Variants in WDR1 observed in about 807,000 individuals in gnomAD.
The protein encoded by WDR1 is WD repeat-containing protein 1.
Under a neutral mutation model 71.9 loss-of-function variants are expected in WDR1, and 21 were observed. The observed-to-expected ratio is 0.29, with a 90% CI of 0.21 to 0.42. WDR1 has a LOEUF of 0.42. WDR1 is among the 10% of genes least tolerant of loss of function. The pLI, the probability that WDR1 is intolerant of heterozygous loss-of-function variation, is 1.00. For missense variants in WDR1, 696 were observed against 824.5 expected (o/e 0.84, Z 1.91); for synonymous variants, 424 against 347.4 (o/e 1.22, Z -2.45).
chr4:10,103,267 TACAC>T lies in WDR1; in HGVS notation c.229+625_229+628del, dbSNP rs5856031. 6.1e-3 allele frequency among the ~76,000 whole-genome samples: 878 copies of T among 142,850 alleles called. 7 individuals are homozygous for T. The highest frequency in any genetic ancestry group is 0.022 in the Middle Eastern group (6 of 274). 93.7% of individuals were successfully genotyped at this position (142,850 alleles called of 152,430 possible). A position where few individuals can be genotyped will look rare whatever the true frequency, so the allele number is the denominator to read the frequency against. On this transcript the variant is annotated intron_variant, in intron 3 of 14. Transcript: ENST00000499869. ...ACAAAACAAAACATCCATTCACACA[TACAC>T]ACACACACACACACACAGACACACA... is the stretch of plus-strand genomic sequence containing the variant.
intron 3 of WDR1, among the ~76,000 whole-genome samples, chr4:10,102,129 G>C (rs1712716787): frequency 6.6e-6 from 1 of 152,230 alleles, no homozygotes; most frequent in African/African-American, 2.4e-5. Context: ...CAGAGCCCCA[G>C]TTTTGTGACA....
chr4:10,101,900 C>A (rs987190131), intron 3 of WDR1, among the ~76,000 whole-genome samples: 2 of 152,240 alleles, frequency 1.3e-5, no homozygotes, highest in African/African-American at 4.8e-5. Context: ...GAGACTTTTG[C>A]TGGCAAGCAG....
Position 10,083,010 on chromosome 4 carries a change from G to T in WDR1, c.1196+12C>A. 1 of 1,603,152 alleles carries T rather than the reference G, an allele frequency of 6.2e-7. No individual in the cohort carries two copies. Among genetic ancestry groups the T allele is most frequent in the Non-Finnish European group, 8.5e-7 (1 of 1,172,222 alleles). On this transcript the variant is annotated intron_variant, in intron 10 of 14. Coordinates refer to ENST00000499869, the MANE Select transcript of WDR1 (RefSeq NM_017491.5). Reference sequence around the variant, plus strand: ...GCTCATCCGGAACCCCCGCAGACCCGAGTGCTCTCACCTGTAGTCCCGCAG... The same window carrying T: ...GCTCATCCGGAACCCCCGCAGACCCTAGTGCTCTCACCTGTAGTCCCGCAG...
chr4:10,080,806 C>T (rs1277212704), intron 11 of WDR1, among the ~76,000 whole-genome samples: 1 of 152,220 alleles, frequency 6.6e-6, no homozygotes, highest in Non-Finnish European at 1.5e-5. Context: ...AGTCAGGTGC[C>T]ACCCTTCTGC....
At chr4:10,090,406 G>C (rs1304299975) in intron 5 of WDR1, among the ~76,000 whole-genome samples, 1 of 152,190 alleles carries the variant, frequency 6.6e-6, no homozygotes, top group Non-Finnish European at 1.5e-5. Flanking sequence ...AAGTCCGTCA[G>C]AGTCAGCAGA....
intron 2 of WDR1, among the ~76,000 whole-genome samples, chr4:10,114,336 G>C (rs1713576284): frequency 6.6e-6 from 1 of 152,186 alleles, no homozygotes; most frequent in African/African-American, 2.4e-5. Flanking sequence ...TTTCTGCAAA[G>C]GGGTGCCTGT....
intron 5 of WDR1, among the ~76,000 whole-genome samples, chr4:10,090,507 C>T (rs1328349573): frequency 2.0e-5 from 3 of 152,202 alleles, no homozygotes; most frequent in East Asian, 1.9e-4. Flanking sequence ...TCTCTAGGCC[C>T]AAGAGTGATG....
rs370998971 is a variant in WDR1, at chr4:10,107,181, C to A, written c.139-3195G>T. On this transcript the variant is annotated intron_variant, in intron 2 of 14. Transcript: ENST00000499869. The stretch of plus-strand genomic sequence containing the variant: ...ACCACCATGAGCAGCCTTGGAGTTG[C>A]CCACTCAGGGACACCCCTCCTCCCA... 1.6e-3 allele frequency among the ~76,000 whole-genome samples: 242 copies of A among 152,244 alleles called. 1 individual carries two copies. In the South Asian group the frequency reaches 0.024, roughly 15 times the overall value.
chr4:10,084,624 G>GGGGGCAGACGCCCCTCAATCCATGGC, intron 8 of WDR1, 94 bp from the exon 9 acceptor site: 2 of 1,180,612 alleles, frequency 1.7e-6, no homozygotes, highest in Non-Finnish European at 2.5e-6. Flanking sequence ...GGGTAATGGA[G>GGGGGCAGACGCCCCTCAATCCATGGC]GGGGCAGACG....
In WDR1 at chr4:10,074,339, TGAAGA is replaced by T. The variant is rs1412494067; in HGVS notation, c.*1034_*1038del. 2.0e-5 allele frequency: 3 copies of T among 152,228 alleles called. No homozygotes were observed. Among genetic ancestry groups the T allele is most frequent in the East Asian group, 1.9e-4 (1 of 5,186 alleles). 9.4% of individuals were successfully genotyped at this position (152,228 alleles called of 1,614,324 possible). On this transcript the variant is annotated 3_prime_UTR_variant, in exon 15 of 15. Coordinates refer to ENST00000499869, the MANE Select transcript of WDR1 (RefSeq NM_017491.5). The stretch of plus-strand genomic sequence containing the variant: ...ATCACACAAAGTCAGTGACCCACAG[TGAAGA>T]GAAAAGATATTTAATTATTTCTCAG...
intron 2 of WDR1, among the ~76,000 whole-genome samples, chr4:10,105,494 C>T (rs1302012474): frequency 2.6e-5 from 4 of 152,198 alleles, no homozygotes; most frequent in East Asian, 1.9e-4. Flanking sequence ...GAAGATACTA[C>T]GAATGACAAG....
chr4:10,108,782 C>A (rs780794892), intron 2 of WDR1, among the ~76,000 whole-genome samples: 9 of 152,250 alleles, frequency 5.9e-5, no homozygotes, highest in Admixed American at 4.6e-4. Context: ...AAGGCCCAGG[C>A]AAAGGGCTTC....
intron 5 of WDR1, chr4:10,093,233 G>C (rs1016405919): frequency 1.2e-5 from 13 of 1,048,710 alleles, no homozygotes; most frequent in Non-Finnish European, 1.3e-5. Context: ...AGCTGACCCT[G>C]TACACAAGAG....
intron 5 of WDR1, among the ~76,000 whole-genome samples, chr4:10,093,555 G>A (rs567898808): frequency 1.3e-4 from 20 of 152,362 alleles, no homozygotes; most frequent in East Asian, 3.9e-4. Flanking sequence ...CCCGTCACCC[G>A]GGACGGGTCA....
chr4:10,115,974 T>G, intron 2 of WDR1, 139 bp downstream of exon 2: 1 of 1,206,764 alleles, frequency 8.3e-7, no homozygotes, highest in Non-Finnish European at 1.1e-6. Flanking sequence ...CTCCGAGGTG[T>G]GGCTCCCGGT....
In WDR1 at chr4:10,087,924, T is replaced by C. The variant is rs770970599; in HGVS notation, c.734A>G (p.Asp245Gly). 4.5e-6 allele frequency: 7 copies of C among 1,555,176 alleles called. No individual in the cohort carries two copies. Among genetic ancestry groups the C allele is most frequent in the Non-Finnish European group, 5.2e-6 (6 of 1,148,648 alleles). ...AGAAGCAGAAAGCAAATGGGTGCTG[T>C]CGGGACTCCAACTAATCTATTCAGA... ...GGIYAISWSP[D>G]STHLLSASGD... The change falls in exon 8 of 15, where the codon GAC (aspartate) becomes GGC (glycine). Residue 245 changes from aspartate (D) to glycine (G), a missense_variant. Coordinates refer to ENST00000499869, the MANE Select transcript of WDR1 (RefSeq NM_017491.5).
intron 5 of WDR1, among the ~76,000 whole-genome samples, chr4:10,093,840 T>C (rs939105719): frequency 2.3e-4 from 35 of 152,248 alleles, no homozygotes; most frequent in African/African-American, 8.4e-4. Context: ...CCAGAAGGGC[T>C]GAAACATCTG....
In WDR1 at chr4:10,097,703, TC is replaced by T; in HGVS notation, c.558+7del. The T allele has an allele frequency of 2.5e-6, 4 of 1,604,292 alleles. No individual in the cohort carries two copies. Among genetic ancestry groups the T allele is most frequent in the Non-Finnish European group, 3.4e-6 (4 of 1,172,828 alleles). On this transcript the variant is annotated splice_region_variant and intron_variant, in intron 5 of 14. Transcript: ENST00000499869. ...CACAAATTTCACCCAAAAAGTAAGT[TC>T]ACTTACGCCAATTGTGAACTTGAAC... is the stretch of plus-strand genomic sequence containing the variant.
intron 11 of WDR1, among the ~76,000 whole-genome samples, chr4:10,079,440 G>A (rs1764931401): frequency 6.6e-6 from 1 of 152,262 alleles, no homozygotes; most frequent in South Asian, 2.1e-4. Flanking sequence ...TTTCAGAGAA[G>A]AAAATGGGGT....
Sources: allele counts gnomAD v4.1 joint callset (sites outside exome capture counted in the v4.1 genomes callset), GRCh38; gene constraint gnomAD v4.1.1; transcripts MANE v1.5; gene names NCBI Gene and HGNC (gene_info 2026-07-23, HGNC 2026-07-21).